Variants in HMGCLL1 observed in about 807,000 individuals in gnomAD.
The protein encoded by HMGCLL1 is 3-hydroxymethyl-3-methylglutaryl-CoA lyase, cytoplasmic.
A neutral mutation model predicts 39.1 loss-of-function variants in HMGCLL1; 36 were observed. That is an observed-to-expected ratio of 0.92 (90% CI 0.71 to 1.22). The LOEUF (loss-of-function observed/expected upper bound fraction) is 1.22. Among genes scored for constraint, HMGCLL1 ranks in the 50% most tolerant of loss-of-function variants. The pLI is 0.00. For synonymous variants in HMGCLL1, 149 were observed against 144.0 expected (o/e 1.03, Z -0.25); for missense variants, 451 against 416.5 (o/e 1.08, Z -0.72).
chr6:55,628,158 T>TATATATAGTATATATACTATATATATA, the HMGCLL1 span, among the ~76,000 whole-genome samples: 3 of 59,654 alleles, frequency 5.0e-5, no homozygotes, highest in Non-Finnish European at 6.0e-5. Context: ...ATATATAATA[T>TATATATAGTATATATACTATATATATA]ATATATAGTA....
At chr6:55,511,608 C>T (rs1767466105) in intron 5 of HMGCLL1, among the ~76,000 whole-genome samples, 1 of 152,018 alleles carries the variant, frequency 6.6e-6, no homozygotes, top group South Asian at 2.1e-4. Flanking sequence ...TATGTTGATG[C>T]AGCTGTTACC....
intron 1 of HMGCLL1, among the ~76,000 whole-genome samples, chr6:55,573,587 G>A (rs1469516004): frequency 6.6e-6 from 1 of 151,772 alleles, no homozygotes; most frequent in East Asian, 1.9e-4. Context: ...AAACAAAGCT[G>A]AAGAAGAAAT....
intron 3 of HMGCLL1, among the ~76,000 whole-genome samples, chr6:55,528,282 C>A (rs547014917): frequency 6.6e-6 from 1 of 152,014 alleles, no homozygotes; most frequent in Non-Finnish European, 1.5e-5. Context: ...TTCTTCAACA[C>A]ATGCCATCGA....
chr6:55,672,905 G>A, the HMGCLL1 span, among the ~76,000 whole-genome samples: 1 of 151,846 alleles, frequency 6.6e-6, no homozygotes, highest in East Asian at 1.9e-4. Flanking sequence ...AAAACCTTTA[G>A]GCACACTAAT....
chr6:55,451,263 A>ATGAT (rs1306497325), intron 7 of HMGCLL1, among the ~76,000 whole-genome samples: 2 of 152,160 alleles, frequency 1.3e-5, no homozygotes, highest in East Asian at 3.9e-4. Flanking sequence ...TATATGTTTA[A>ATGAT]TGATTGATTG....
intron 3 of HMGCLL1, among the ~76,000 whole-genome samples, chr6:55,536,431 T>A (rs554086731): frequency 2.6e-5 from 4 of 152,334 alleles, no homozygotes; most frequent in Admixed American, 1.3e-4. Context: ...ATATTTACAA[T>A]CAAATGGCTA....
chr6:55,602,073 T>C, the HMGCLL1 span, among the ~76,000 whole-genome samples: 1 of 152,078 alleles, frequency 6.6e-6, no homozygotes, highest in Non-Finnish European at 1.5e-5. Flanking sequence ...CTCAGATTTT[T>C]TCTTTGGCTC....
At chr6:55,441,577 C>A (rs1479002442) in intron 7 of HMGCLL1, among the ~76,000 whole-genome samples, 2 of 152,132 alleles carry the variant, frequency 1.3e-5, no homozygotes, top group Non-Finnish European at 2.9e-5. Context: ...TGTCTTTTAT[C>A]TGTTCTGGGA....
intron 8 of HMGCLL1, 38 bp from the exon 9 acceptor site, chr6:55,435,801 G>A (rs757653113): frequency 7.5e-6 from 8 of 1,066,436 alleles, no homozygotes; most frequent in Non-Finnish European, 9.5e-6. Context: ...AAGGCAGAGG[G>A]ATTAGAGAGA....
intron 1 of HMGCLL1, among the ~76,000 whole-genome samples, chr6:55,568,788 G>A (rs1320948203): frequency 6.6e-6 from 1 of 152,074 alleles, no homozygotes; most frequent in African/African-American, 2.4e-5. Context: ...GGTCATATGA[G>A]AGTAACCCAC....
At chr6:55,622,986 T>G in the HMGCLL1 span, among the ~76,000 whole-genome samples, 6 of 152,076 alleles carry the variant, frequency 3.9e-5, no homozygotes. Context: ...GGTTCAATCT[T>G]GGTAGGTTGT....
At chr6:55,649,209 A>G in the HMGCLL1 span, among the ~76,000 whole-genome samples, 4 of 152,088 alleles carry the variant, frequency 2.6e-5, no homozygotes, top group South Asian at 6.2e-4. Flanking sequence ...CGTCTCACTC[A>G]TTAACATTCT....
chr6:55,456,678 A>G (rs1294003986), intron 7 of HMGCLL1, among the ~76,000 whole-genome samples: 1 of 152,052 alleles, frequency 6.6e-6, no homozygotes, highest in Non-Finnish European at 1.5e-5. Context: ...TAGAGCCCAT[A>G]TTTTCTTTGT....
intron 1 of HMGCLL1, 136 bp downstream of exon 1, chr6:55,578,812 G>C (rs541484727): frequency 4.4e-6 from 3 of 674,814 alleles, no homozygotes; most frequent in South Asian, 3.4e-5. Flanking sequence ...GGCCTAACAC[G>C]ACAGAACTGC....
At chr6:55,453,133 C>T (rs1764174584) in intron 7 of HMGCLL1, among the ~76,000 whole-genome samples, 1 of 152,010 alleles carries the variant, frequency 6.6e-6, no homozygotes, top group South Asian at 2.1e-4. Context: ...GATGAACATG[C>T]CAAGCATGTA....
the HMGCLL1 span, among the ~76,000 whole-genome samples, chr6:55,613,407 C>T: frequency 1.8e-4 from 27 of 152,076 alleles, no homozygotes; most frequent in Non-Finnish European, 2.8e-4. Flanking sequence ...GGATCTAGAA[C>T]GAGAAATACC....
the HMGCLL1 span, among the ~76,000 whole-genome samples, chr6:55,587,154 G>A: frequency 6.6e-6 from 1 of 152,122 alleles, no homozygotes; most frequent in Admixed American, 6.5e-5. Context: ...GTCATGATGA[G>A]CATTTTTTCA....
chr6:55,610,215 G>A, the HMGCLL1 span, among the ~76,000 whole-genome samples: 1 of 152,080 alleles, frequency 6.6e-6, no homozygotes, highest in African/African-American at 2.4e-5. Flanking sequence ...GCTTCAGAAG[G>A]TGAGTAATAA....
the HMGCLL1 span, among the ~76,000 whole-genome samples, chr6:55,627,373 C>G: frequency 6.6e-6 from 1 of 151,886 alleles, no homozygotes; most frequent in African/African-American, 2.4e-5. Flanking sequence ...GGGATTGGTG[C>G]ACTTCTGGTT....
Sources: gnomAD v4.1 joint callset for allele counts (sites outside exome capture counted in the v4.1 genomes callset) on GRCh38, gnomAD v4.1.1 for gene constraint, MANE v1.5 for transcripts, NCBI Gene and HGNC (gene_info 2026-07-23, HGNC 2026-07-21) for gene names.